PIDD1: variants seen among roughly 807,000 people sequenced by gnomAD.
PIDD1 encodes the protein p53-induced death domain-containing protein 1.
A neutral mutation model predicts 80.0 loss-of-function variants in PIDD1; 72 were observed. That is an observed-to-expected ratio of 0.90 (90% confidence interval 0.74 to 1.09). The LOEUF (loss-of-function observed/expected upper bound fraction) is 1.09, where lower values mean the gene tolerates loss of function less well. Ranked by LOEUF, PIDD1 falls within the 50% of genes least tolerant of loss-of-function variation. The pLI is 0.00. For missense variants in PIDD1, 1,329 were observed against 1,228.3 expected (o/e 1.08, Z -1.23); for synonymous variants, 655 against 543.5 (o/e 1.21, Z -2.85).
chr11:803,761 G>C, intron 2 of PIDD1, 174 bp from the exon 3 acceptor site: 1 of 742,798 alleles, frequency 1.3e-6, no homozygotes, highest in East Asian at 2.7e-5. Context: ...CAAATGGAAG[G>C]AGGCAGGGGT....
In PIDD1 at chr11:800,202, C is replaced by T; in HGVS notation, c.2203G>A (p.Glu735Lys). The T allele has an allele frequency of 6.2e-7, 1 of 1,610,926 alleles. No homozygotes were observed. The highest frequency in any genetic ancestry group is 8.5e-7 in the Non-Finnish European group (1 of 1,179,298). ...TTCCTCTGCCGGGCAGCCTCAGCCTCCTCGGGCACCCGCACAGGCACCGCG... is the reference window on the plus strand; with the variant it reads ...TTCCTCTGCCGGGCAGCCTCAGCCTTCTCGGGCACCCGCACAGGCACCGCG... ...RGAVPVRVPE[E>K]AEAARQRKGA... The change falls in exon 14 of 16, where the codon GAG becomes AAG. Residue 735 changes from glutamate to lysine, a missense_variant. Physicochemically the swap from Glu to Lys is moderately conservative, Grantham distance 56. Coordinates refer to ENST00000347755, the MANE Select transcript of PIDD1 (RefSeq NM_145886.4).
At position 801,275 on chromosome 11, in the gene PIDD1, G is replaced by A. The variant is rs912383415; in HGVS notation, c.1573C>T (p.Pro525Ser). ...GTGACCGGTTGGAGGAAGCTGGGGG[G>A]ACCGCTCTGTGACAGGCACAGCAGG... is the stretch of plus-strand genomic sequence containing the variant. ...SPLLCLSQSGPPSFLQPVTVQ... is the reference protein window; with the variant it reads ...SPLLCLSQSGSPSFLQPVTVQ... Residue 525 changes from proline to serine, a missense_variant, in exon 9 of 16, where the codon CCC becomes TCC. Physicochemically the swap from Pro to Ser is moderately conservative, Grantham distance 74 (BLOSUM62 -1). Transcript: ENST00000347755. 3 of 1,583,988 alleles carry A rather than the reference G, an allele frequency of 1.9e-6. No homozygotes were observed. The highest frequency in any genetic ancestry group is 2.6e-6 in the Non-Finnish European group (3 of 1,164,894).
In PIDD1 at chr11:802,890, C is replaced by T. The variant is rs1328216686; in HGVS notation, c.711G>A (p.Ala237=). The change falls in exon 4 of 16, where the codon GCG becomes GCA. Residue 237 remains alanine, a splice_region_variant and synonymous_variant. Transcript: ENST00000347755. ...CAAGGAGCCGCAAGGACCGAAGTCC[C>T]GCTGCGGGCAGTTGCTGGCTTAGGC... is the stretch of plus-strand genomic sequence containing the variant. ...NRLQSLPASL[A]GLRSLRLLVL... The T allele has an allele frequency of 9.0e-6, 14 of 1,561,372 alleles. No individual in the cohort carries two copies. The highest frequency in any genetic ancestry group is 7.1e-5 in the East Asian group (3 of 42,152).
rs376413487 is a variant in PIDD1, at chr11:799,516, G to C, written c.2524C>G (p.Arg842Gly). 6.2e-7 allele frequency: 1 copy of C among 1,605,768 alleles called. No homozygotes were observed. Among genetic ancestry groups the C allele is most frequent in the Non-Finnish European group, 8.5e-7 (1 of 1,179,716 alleles). Residue 842 changes from arginine (R) to glycine (G), a missense_variant, in exon 16 of 16, where the codon CGC becomes GGC. Coordinates refer to ENST00000347755, the MANE Select transcript of PIDD1 (RefSeq NM_145886.4). Reference protein sequence around the residue: ...IRHMLFSWAERQAGQPGAVGL... With the variant: ...IRHMLFSWAEGQAGQPGAVGL... ...ACAGCCCCTGGCTGCCCAGCCTGGC[G>C]CTCAGCCCAGGAGAAGAGCATGTGA...
upstream of PIDD1, chr11:805,489 C>T (rs2133817653): frequency 4.2e-6 from 2 of 473,736 alleles, no homozygotes; most frequent in Non-Finnish European, 5.5e-6. Context: ...CTCCCCCGCC[C>T]GGAAGGCCAC....
At position 801,636 on chromosome 11, in the gene PIDD1, G is replaced by GA. The variant is rs1335285379; in HGVS notation, c.1303-13dup. The GA allele has an allele frequency of 7.1e-6, 11 of 1,549,216 alleles. No individual in the cohort carries two copies. Among genetic ancestry groups the GA allele is most frequent in the African/African-American group, 1.4e-5 (1 of 72,346 alleles). ...TGAGCCCAGAGCCGCTGGGATGGGG[G>GA]AGAGAGGAGGTCACAGGAGCCTGGG... On this transcript the variant is annotated splice_polypyrimidine_tract_variant and intron_variant, in intron 7 of 15. Coordinates refer to ENST00000347755, the MANE Select transcript of PIDD1 (RefSeq NM_145886.4).
chr11:805,444 C>T (rs1359111948), upstream of PIDD1, among the ~76,000 whole-genome samples: 1 of 152,208 alleles, frequency 6.6e-6, no homozygotes, highest in Non-Finnish European at 1.5e-5. Context: ...CAGCGCTCGG[C>T]TTCCTGTTAG....
upstream of PIDD1, among the ~76,000 whole-genome samples, chr11:808,933 AACAC>A (rs1212203042): frequency 8.5e-5 from 13 of 152,190 alleles, no homozygotes; most frequent in Non-Finnish European, 5.9e-5. Flanking sequence ...GCTGCCTGCT[AACAC>A]GGTAGATACC....
chr11:803,399 CAG>C lies in PIDD1; in HGVS notation c.482_483del (p.Ser161Ter). ...AGGGCCCCCAGAGCCTCAGGCAGCT[CAG>C]AGAGGCAGTTGTGAGACAGCAAGAG... Reference protein sequence around the residue: ...GALLLSHNCLSELPEALGALP... With the variant: ...GALLLSHNCLXELPEALGALP... On this transcript the variant is annotated frameshift_variant, in exon 3 of 16. Coordinates refer to ENST00000347755, the MANE Select transcript of PIDD1 (RefSeq NM_145886.4). LOFTEE classifies it high-confidence loss of function. 6.2e-7 allele frequency: 1 copy of C among 1,613,906 alleles called. No homozygotes were observed. Among genetic ancestry groups the C allele is most frequent in the Non-Finnish European group, 8.5e-7 (1 of 1,179,978 alleles).
At chr11:802,127 CCCGGGCCCGCACACTGCCCCTGCCAT>C (rs1211830917) in intron 6 of PIDD1, 37 bp from the exon 7 acceptor site, 2 of 1,561,508 alleles carry the variant, frequency 1.3e-6, no homozygotes, top group African/African-American at 1.4e-5. Context: ...TGGAGCCATG[CCCGGGCCCGCACACTGCCCCTGCCAT>C]GCCCTGGCCC....
At chr11:803,876 T>C (rs1865580782) in intron 2 of PIDD1, 1 of 641,720 alleles carries the variant, frequency 1.6e-6, no homozygotes, top group Non-Finnish European at 2.7e-6. Context: ...AGCGTCAGGG[T>C]CCAGGAGCCA....
At chr11:805,306 C>A, upstream of PIDD1, 1 of 751,466 alleles carries the variant, frequency 1.3e-6, no homozygotes, top group South Asian at 5.8e-5. Flanking sequence ...CCTCGGGACG[C>A]GCCCCCTCCG....
intron 13 of PIDD1, 38 bp downstream of exon 13, chr11:800,295 C>A: frequency 2.5e-6 from 4 of 1,612,554 alleles, no homozygotes; most frequent in Non-Finnish European, 3.4e-6. Context: ...CCCAAGCGGC[C>A]TGGGGGGCCT....
upstream of PIDD1, among the ~76,000 whole-genome samples, chr11:808,233 C>A (rs1044644760): frequency 6.6e-6 from 1 of 150,868 alleles, no homozygotes; most frequent in Non-Finnish European, 1.5e-5. Flanking sequence ...TTGAGACCAG[C>A]CTGGCCAACA....
chr11:802,975 G>T, intron 3 of PIDD1, 84 bp from the exon 4 acceptor site: 2 of 1,229,238 alleles, frequency 1.6e-6, no homozygotes, highest in Non-Finnish European at 2.3e-6. Context: ...CAGAGCAGCT[G>T]TTTCAGACTC....
rs1255222874 is a variant in PIDD1 at position 801,134 on chromosome 11, G to A, written c.1631-14C>T. The stretch of plus-strand genomic sequence containing the variant: ...CCAGACTGAGGCCTGGGGATGGGAG[G>A]GGCAGCGAGCTGAGGCCTCCTGGCC... On this transcript the variant is annotated splice_polypyrimidine_tract_variant and intron_variant, in intron 9 of 15. Coordinates refer to ENST00000347755, the MANE Select transcript of PIDD1 (RefSeq NM_145886.4). 7.1e-6 allele frequency: 11 copies of A among 1,549,682 alleles called. No homozygotes were observed. The highest frequency in any genetic ancestry group is 2.4e-5 in the South Asian group (2 of 81,784).
upstream of PIDD1, among the ~76,000 whole-genome samples, chr11:807,921 G>C (rs375179102): frequency 1.3e-5 from 2 of 152,150 alleles, no homozygotes; most frequent in African/African-American, 4.8e-5. Context: ...ATTTGTCTTA[G>C]CATCTACCTT....
chr11:804,381 G>A lies in PIDD1; in HGVS notation c.8C>T (p.Ala3Val). Residue 3 changes from alanine to valine, a missense_variant, in exon 2 of 16, where the codon GCA becomes GTA. By Grantham distance (64) the Ala-to-Val change is moderately conservative. Coordinates refer to ENST00000347755, the MANE Select transcript of PIDD1 (RefSeq NM_145886.4). Reference sequence around the variant, plus strand: ...CTCCAGCTCTGGCCCCTCCACCGTTGCAGCCATCGCCCACCGACGGTCCTT... The same window carrying A: ...CTCCAGCTCTGGCCCCTCCACCGTTACAGCCATCGCCCACCGACGGTCCTT... MA[A>V]TVEGPELEAA... The A allele has an allele frequency of 6.3e-7, 1 of 1,590,030 alleles. No individual in the cohort carries two copies. Among genetic ancestry groups the A allele is most frequent in the Middle Eastern group, 1.7e-4 (1 of 5,954 alleles).
In PIDD1 at chr11:801,610, G is replaced by A. The variant is rs765088389; in HGVS notation, c.1317C>T (p.His439=). ...EEEAPQRLWA[H]CQVPHFSWFL... is the part of the protein sequence containing the mutation. ...ACCAGGAGAAGTGGGGCACCTGGCA[G>A]TGAGCCCAGAGCCGCTGGGATGGGG... The change falls in exon 8 of 16, where the codon CAC becomes CAT. Residue 439 remains histidine, a synonymous_variant. Coordinates refer to ENST00000347755, the MANE Select transcript of PIDD1 (RefSeq NM_145886.4). 73 of 1,552,328 alleles carry A rather than the reference G, an allele frequency of 4.7e-5. 1 individual carries two copies. In the Admixed American group the frequency reaches 1.4e-3, roughly 30 times the overall value.
Sources: gnomAD v4.1 joint callset for allele counts (sites outside exome capture counted in the v4.1 genomes callset) on GRCh38, gnomAD v4.1.1 for gene constraint, MANE v1.5 for transcripts, NCBI Gene and HGNC (gene_info 2026-07-23, HGNC 2026-07-21) for gene names.